Variants in FEZ2 observed in about 807,000 individuals in gnomAD.
The protein encoded by FEZ2 is fasciculation and elongation protein zeta-2.
In FEZ2, 51 loss-of-function variants were observed where a neutral mutation model predicts 40.4. That is an observed-to-expected ratio of 1.26 (90% CI 1.01 to 1.59). The LOEUF is 1.59. Among genes scored for constraint, FEZ2 ranks in the 40% most tolerant of loss-of-function variants. The probability of loss-of-function intolerance (pLI) is 0.00; values close to 1 mark genes in which losing one functional copy is unlikely to be tolerated. For synonymous variants in FEZ2, 242 were observed against 172.0 expected (o/e 1.41, Z -3.18); for missense variants, 640 against 438.3 (o/e 1.46, Z -4.11).
At chr2:36,576,281 T>A (rs1460101537) in intron 5 of FEZ2, among the ~76,000 whole-genome samples, 1 of 152,014 alleles carries the variant, frequency 6.6e-6, no homozygotes, top group Non-Finnish European at 1.5e-5. Flanking sequence ...TTTTATTTTT[T>A]TTTTTTGAGA....
chr2:36,583,959 T>A (rs961949811), intron 2 of FEZ2: 7 of 152,814 alleles, frequency 4.6e-5, no homozygotes, highest in Non-Finnish European at 7.3e-5. Context: ...CATTCCTTCT[T>A]AACAAAAAAT....
chr2:36,567,289 G>C (rs1026135726), intron 5 of FEZ2, among the ~76,000 whole-genome samples: 1 of 151,880 alleles, frequency 6.6e-6, no homozygotes, highest in Admixed American at 6.6e-5. Context: ...CCCAAAATAA[G>C]TGGAGTATGA....
intron 5 of FEZ2, among the ~76,000 whole-genome samples, chr2:36,567,727 A>G (rs561298227): frequency 8.6e-5 from 13 of 151,148 alleles, no homozygotes; most frequent in African/African-American, 2.9e-4. Flanking sequence ...GCACCATTGC[A>G]CTCCAGCCTG....
At chr2:36,563,651 C>G (rs746422627) in intron 5 of FEZ2, among the ~76,000 whole-genome samples, 3 of 152,202 alleles carry the variant, frequency 2.0e-5, no homozygotes, top group African/African-American at 4.8e-5. Flanking sequence ...TTTCCAAACT[C>G]TCCCTCTCTA....
At chr2:36,589,017 T>C (rs1299617115) in intron 2 of FEZ2, among the ~76,000 whole-genome samples, 1 of 152,232 alleles carries the variant, frequency 6.6e-6, no homozygotes, top group East Asian at 1.9e-4. Flanking sequence ...TTAAATAACA[T>C]AGAAAATATT....
chr2:36,588,356 C>G (rs1169256135), intron 2 of FEZ2, among the ~76,000 whole-genome samples: 1 of 152,150 alleles, frequency 6.6e-6, no homozygotes, highest in Non-Finnish European at 1.5e-5. Flanking sequence ...TCAGTACTAG[C>G]ATTAAACTCT....
intron 1 of FEZ2, chr2:36,594,427 TG>T: frequency 5.3e-6 from 1 of 189,450 alleles, no homozygotes; most frequent in South Asian, 1.2e-4. Context: ...TCCACATGGC[TG>T]GGGAGGCCTC....
chr2:36,593,921 T>C (rs1461115055), intron 1 of FEZ2, among the ~76,000 whole-genome samples: 1 of 151,806 alleles, frequency 6.6e-6, no homozygotes, highest in Non-Finnish European at 1.5e-5. Context: ...TAAAACTGAA[T>C]ACGTTTAATA....
At chr2:36,560,674 C>T in intron 5 of FEZ2, 1 of 593,732 alleles carries the variant, frequency 1.7e-6, no homozygotes, top group Non-Finnish European at 3.0e-6. Flanking sequence ...ACTTTTATTT[C>T]TCTCGTTAAG....
intron 7 of FEZ2, chr2:36,554,060 T>C: frequency 2.9e-6 from 1 of 339,060 alleles, no homozygotes; most frequent in African/African-American, 2.2e-5. Context: ...GTCTAAATCC[T>C]TGCTGCTTTT....
intron 5 of FEZ2, among the ~76,000 whole-genome samples, chr2:36,566,353 A>AAG (rs397703974): frequency 1.3e-5 from 2 of 151,842 alleles, no homozygotes; most frequent in Non-Finnish European, 2.9e-5. Context: ...AAAAAAAAAA[A>AAG]GTAATCAAGA....
At chr2:36,573,088 T>C (rs1210257309) in intron 5 of FEZ2, among the ~76,000 whole-genome samples, 1 of 152,228 alleles carries the variant, frequency 6.6e-6, no homozygotes, top group Non-Finnish European at 1.5e-5. Context: ...TATGCATTTT[T>C]GATGGTGGAG....
intron 7 of FEZ2, chr2:36,554,401 T>A: frequency 2.2e-6 from 1 of 448,638 alleles, no homozygotes; most frequent in South Asian, 1.7e-5. Context: ...CTGGCCCTCA[T>A]AGAGGCCTAG....
intron 5 of FEZ2, among the ~76,000 whole-genome samples, chr2:36,564,437 T>C (rs1668177444): frequency 6.6e-6 from 1 of 152,158 alleles, no homozygotes. Context: ...CCAGATACCA[T>C]TCCAGGTATT....
At chr2:36,562,689 A>G (rs1668124096) in intron 5 of FEZ2, among the ~76,000 whole-genome samples, 1 of 152,226 alleles carries the variant, frequency 6.6e-6, no homozygotes, top group Non-Finnish European at 1.5e-5. Flanking sequence ...AAATTTTTCC[A>G]ATGCTATCAT....
At chr2:36,592,414 G>C (rs1253558396) in intron 1 of FEZ2, among the ~76,000 whole-genome samples, 1 of 152,054 alleles carries the variant, frequency 6.6e-6, no homozygotes, top group African/African-American at 2.4e-5. Context: ...TTAAAATACA[G>C]ACATAACATA....
chr2:36,558,185 T>C lies in FEZ2; in HGVS notation c.979+253A>G, dbSNP rs548634843. ...GATGATGGAGATTTAGGTTATGCTTTTTCCCAAAATTTTAGCTCATAAATA... is the reference window on the plus strand; with the variant it reads ...GATGATGGAGATTTAGGTTATGCTTCTTCCCAAAATTTTAGCTCATAAATA... On this transcript the variant is annotated intron_variant, in intron 6 of 7. Transcript: ENST00000405912. The C allele has an allele frequency of 1.3e-4, 38 of 286,600 alleles. 1 individual carries two copies. Among genetic ancestry groups the C allele is most frequent in the African/African-American group, 8.2e-4 (38 of 46,146 alleles). 17.8% of individuals were successfully genotyped at this position (286,600 alleles called of 1,614,324 possible).
chr2:36,552,935 T>A lies in FEZ2; in HGVS notation c.*228A>T, dbSNP rs1374896790. The A allele has an allele frequency of 5.7e-6, 3 of 530,024 alleles. No individual in the cohort carries two copies. Among genetic ancestry groups the A allele is most frequent in the Middle Eastern group, 2.9e-4 (1 of 3,432 alleles). The allele number at this position is 530,024 out of a possible 1,614,324, so 32.8% of individuals were successfully genotyped here. A position where few individuals can be genotyped will look rare whatever the true frequency, so the allele number is the denominator to read the frequency against. ...CTCTCTTAATCTACTAAGAGAACAG[T>A]TTATTAGTAGATTTAACAAAAACCA... On this transcript the variant is annotated 3_prime_UTR_variant, in exon 8 of 8. Coordinates refer to ENST00000405912, the MANE Select transcript of FEZ2 (RefSeq NM_005102.3).
At chr2:36,567,717 G>A (rs74328804) in intron 5 of FEZ2, among the ~76,000 whole-genome samples, 72 of 150,736 alleles carry the variant, frequency 4.8e-4, no homozygotes, top group Admixed American at 8.6e-4. Flanking sequence ...AGCCAAGATC[G>A]CACCATTGCA....
Sources: allele counts gnomAD v4.1 joint callset (sites outside exome capture counted in the v4.1 genomes callset), GRCh38; gene constraint gnomAD v4.1.1; transcripts MANE v1.5; gene names NCBI Gene and HGNC (gene_info 2026-07-23, HGNC 2026-07-21).